The following TOGARAM1 variants were observed in gnomAD, a reference collection of about 807,000 sequenced individuals.
TOGARAM1 encodes TOG array regulator of axonemal microtubules protein 1.
TOGARAM1 carries 100 observed loss-of-function variants against 166.6 expected under a neutral mutation model. The ratio of observed to expected loss-of-function variants is 0.60; its 90% CI spans 0.51 to 0.71. The LOEUF (loss-of-function observed/expected upper bound fraction) is 0.71, where lower values mean the gene tolerates loss of function less well. TOGARAM1 is among the 30% of genes least tolerant of loss of function. The probability of loss-of-function intolerance (pLI) is 0.00; values close to 1 mark genes in which losing one functional copy is unlikely to be tolerated. For missense variants in TOGARAM1, 2,029 were observed against 2,102.7 expected, an observed-to-expected ratio of 0.96 and a Z score of 0.69; for synonymous variants, 758 against 763.8, an observed-to-expected ratio of 0.99 and a Z score of 0.13.
intron 3 of TOGARAM1, among the ~76,000 whole-genome samples, chr14:45,001,908 G>T (rs1163649453): frequency 6.6e-6 from 1 of 152,148 alleles, no homozygotes; most frequent in African/African-American, 2.4e-5. Flanking sequence ...GGGGTTGAAG[G>T]TGTTCTTAAA....
chr14:44,985,100 G>T (rs529866411), intron 1 of TOGARAM1, among the ~76,000 whole-genome samples: 1 of 151,760 alleles, frequency 6.6e-6, no homozygotes, highest in African/African-American at 2.4e-5. Flanking sequence ...TGCAACCTCT[G>T]CCTCCCAGGT....
At chr14:45,043,821 T>C in intron 12 of TOGARAM1, 30 bp downstream of exon 12, 4 of 1,248,160 alleles carry the variant, frequency 3.2e-6, no homozygotes, top group Non-Finnish European at 4.7e-6. Flanking sequence ...GAGTTAAGGA[T>C]TGTTAGAATA....
At chr14:45,045,218 G>A (rs1174588016) in intron 13 of TOGARAM1, among the ~76,000 whole-genome samples, 1 of 151,526 alleles carries the variant, frequency 6.6e-6, no homozygotes, top group African/African-American at 2.4e-5. Flanking sequence ...TGTTACATGG[G>A]TGAATTGTAT....
intron 16 of TOGARAM1, among the ~76,000 whole-genome samples, chr14:45,054,860 A>G (rs1445138849): frequency 2.0e-5 from 3 of 152,184 alleles, no homozygotes; most frequent in Non-Finnish European, 4.4e-5. Context: ...CCCCGATTGT[A>G]AAGTAATACA....
chr14:44,963,380 CTTA>C lies in TOGARAM1; in HGVS notation c.965_967del (p.Tyr322del), dbSNP rs1885318757. Reference sequence around the variant, plus strand: ...GAGTCCCAGTTTGGAAGTCAGGTTCCTTATTATTTGGAACTTGAAGCCTCTGGA... The same window carrying C: ...GAGTCCCAGTTTGGAAGTCAGGTTCCTTATTTGGAACTTGAAGCCTCTGGA... On this transcript the variant is annotated inframe_deletion, in exon 1 of 20. Coordinates refer to ENST00000361462, the MANE Select transcript of TOGARAM1 (RefSeq NM_001308120.2). 2 of 1,614,048 alleles carry C rather than the reference CTTA, an allele frequency of 1.2e-6. No individual in the cohort carries two copies. Among genetic ancestry groups the C allele is most frequent in the Admixed American group, 1.7e-5 (1 of 60,000 alleles).
chr14:45,029,697 A>T (rs1201942098), intron 10 of TOGARAM1, among the ~76,000 whole-genome samples: 2 of 152,216 alleles, frequency 1.3e-5, no homozygotes, highest in African/African-American at 2.4e-5. Context: ...TTACTCATCT[A>T]TGATAACATA....
chr14:45,025,792 C>G lies in TOGARAM1; in HGVS notation c.3248C>G (p.Ser1083Ter). The G allele has an allele frequency of 6.2e-7, 1 of 1,601,524 alleles. No individual in the cohort carries two copies. The highest frequency in any genetic ancestry group is 8.6e-7 in the Non-Finnish European group (1 of 1,169,536). Residue 1083 changes from serine (S) to a stop codon, truncating the protein, a stop_gained, in exon 8 of 20, where the codon TCA becomes TGA. Transcript: ENST00000361462. LOFTEE classifies it high-confidence loss of function. ...TTTGGGGGATTTACAGGGTCATCAT[C>G]AAATCCACAGCAAATTTCCAGTTTT... ...AEQSPSAGSSSNPQQISSFDF... is the reference protein window; with the variant it reads ...AEQSPSAGSS
intron 9 of TOGARAM1, 62 bp downstream of exon 9, chr14:45,027,536 A>G (rs1295055309): frequency 1.5e-6 from 2 of 1,291,620 alleles, no homozygotes; most frequent in Non-Finnish European, 2.1e-6. Context: ...TGTTTTGTGT[A>G]TATCAGATGT....
chr14:45,022,829 C>A (rs1880602555), intron 7 of TOGARAM1: 1 of 151,974 alleles, frequency 6.6e-6, no homozygotes, highest in Non-Finnish European at 1.5e-5. Context: ...TTCTGATGAC[C>A]CCGGCAGTGT....
Position 45,073,752 on chromosome 14 carries a change from C to G in TOGARAM1, c.*191C>G, listed in dbSNP as rs956594235. 2 of 459,960 alleles carry G rather than the reference C, an allele frequency of 4.3e-6. No individual in the cohort carries two copies. Among genetic ancestry groups the G allele is most frequent in the Non-Finnish European group, 3.8e-6 (1 of 264,082 alleles). 28.5% of individuals were successfully genotyped at this position (459,960 alleles called of 1,614,324 possible). ...CCACTTATATTCATCACATAAAAAC[C>G]TAAAATATTCATGAATAATTCATGA... On this transcript the variant is annotated 3_prime_UTR_variant, in exon 20 of 20. Coordinates refer to ENST00000361462, the MANE Select transcript of TOGARAM1 (RefSeq NM_001308120.2).
chr14:44,978,974 T>TC (rs1486825207), intron 1 of TOGARAM1, among the ~76,000 whole-genome samples: 4 of 141,544 alleles, frequency 2.8e-5, no homozygotes, highest in Admixed American at 7.0e-5. Context: ...TCTCTCTCTC[T>TC]TTTTTTTTTT....
chr14:45,028,911 CTA>C (rs1293085260), intron 10 of TOGARAM1, among the ~76,000 whole-genome samples: 1 of 151,952 alleles, frequency 6.6e-6, no homozygotes, highest in East Asian at 1.9e-4. Context: ...AATATAAACA[CTA>C]TTAAATTTAT....
At chr14:44,968,651 C>T (rs1885696706) in intron 1 of TOGARAM1, among the ~76,000 whole-genome samples, 1 of 152,202 alleles carries the variant, frequency 6.6e-6, no homozygotes, top group South Asian at 2.1e-4. Context: ...CCTGACCCAC[C>T]TCATCCGGTA....
At chr14:45,004,986 G>A (rs1046036092) in intron 4 of TOGARAM1, among the ~76,000 whole-genome samples, 2 of 151,696 alleles carry the variant, frequency 1.3e-5, no homozygotes, top group Non-Finnish European at 2.9e-5. Context: ...GCAATGGTGC[G>A]ATCTTGGCTC....
At chr14:45,041,155 C>T (rs959530114) in intron 11 of TOGARAM1, among the ~76,000 whole-genome samples, 1 of 152,118 alleles carries the variant, frequency 6.6e-6, no homozygotes, top group Non-Finnish European at 1.5e-5. Context: ...GTAATCTTAG[C>T]ACTTTGGGAG....
At chr14:45,049,819 T>C (rs1420971538) in intron 14 of TOGARAM1, among the ~76,000 whole-genome samples, 2 of 151,970 alleles carry the variant, frequency 1.3e-5, no homozygotes, top group African/African-American at 4.8e-5. Context: ...CTTTTCTCCC[T>C]CTCTATCACC....
intron 7 of TOGARAM1, among the ~76,000 whole-genome samples, chr14:45,014,740 TTAG>T (rs1177406326): frequency 6.6e-6 from 1 of 152,210 alleles, no homozygotes; most frequent in Non-Finnish European, 1.5e-5. Context: ...TTCTAGTATA[TTAG>T]ATTAGTGTTG....
At chr14:44,981,794 G>A (rs1471550089) in intron 1 of TOGARAM1, among the ~76,000 whole-genome samples, 2 of 150,498 alleles carry the variant, frequency 1.3e-5, no homozygotes, top group South Asian at 4.2e-4. Flanking sequence ...TGAATACAAG[G>A]TATAGATTCT....
At position 44,962,525 on chromosome 14, in the gene TOGARAM1, A is replaced by G. The variant is rs1241272366; in HGVS notation, c.104A>G (p.Asp35Gly). Residue 35 changes from aspartate (D) to glycine (G), a missense_variant, in exon 1 of 20, where the codon GAT (aspartate) becomes GGT (glycine). Physicochemically the swap from Asp to Gly is moderately conservative, Grantham distance 94. Coordinates refer to ENST00000361462, the MANE Select transcript of TOGARAM1 (RefSeq NM_001308120.2). ...CGTCCTTCCGCCCCAGAGACCGATG[A>G]TAGTCGAGTTGGGGGCATTATGAGA... ...RSRPSAPETD[D>G]SRVGGIMRGE... is the part of the protein sequence containing the mutation. 8 of 1,613,444 alleles carry G rather than the reference A, an allele frequency of 5.0e-6. No individual in the cohort carries two copies. Among genetic ancestry groups the G allele is most frequent in the Non-Finnish European group, 6.8e-6 (8 of 1,179,892 alleles).
Sources: allele counts gnomAD v4.1 joint callset (sites outside exome capture counted in the v4.1 genomes callset), GRCh38; gene constraint gnomAD v4.1.1; transcripts MANE v1.5; gene names NCBI Gene and HGNC (gene_info 2026-07-23, HGNC 2026-07-21).